PATJ: variants seen among roughly 807,000 people sequenced by gnomAD.
PATJ encodes the protein inaD-like protein.
A neutral mutation model predicts 224.9 loss-of-function variants in PATJ; 190 were observed. That is an observed-to-expected ratio of 0.84 (90% confidence interval 0.75 to 0.95). The LOEUF (loss-of-function observed/expected upper bound fraction) is 0.95, where lower values mean the gene tolerates loss of function less well. Ranked by LOEUF, PATJ falls within the 40% of genes least tolerant of loss-of-function variation. The pLI is 0.00. For synonymous variants in PATJ, 769 were observed against 820.3 expected, an observed-to-expected ratio of 0.94 and a Z score of 1.07; for missense variants, 2,121 against 2,270.3, an observed-to-expected ratio of 0.93 and a Z score of 1.34.
At chr1:62,073,398 A>C (rs1041332350) in intron 31 of PATJ, 144 of 830,078 alleles carry the variant, frequency 1.7e-4, no homozygotes, top group Non-Finnish European at 2.0e-4. Flanking sequence ...CAAGGCAGGC[A>C]GATTGCTTGA....
intron 15 of PATJ, among the ~76,000 whole-genome samples, chr1:61,823,902 T>C (rs1657738816): frequency 6.6e-6 from 1 of 152,206 alleles, no homozygotes. Context: ...AAAAGTGCTA[T>C]GACTAGTTAT....
At chr1:62,122,175 G>A (rs1193110236) in intron 38 of PATJ, among the ~76,000 whole-genome samples, 1 of 151,688 alleles carries the variant, frequency 6.6e-6, no homozygotes, top group Non-Finnish European at 1.5e-5. Flanking sequence ...GAGCAGCCTG[G>A]CCAACATGGA....
chr1:61,884,454 T>TGG, intron 22 of PATJ, 46 bp downstream of exon 22: 4 of 25,164 alleles, frequency 1.6e-4, no homozygotes, highest in East Asian at 3.4e-3. Context: ...AATAGTGGTT[T>TGG]TTTTTTTTTT....
chr1:62,131,539 T>C (rs1666262191), intron 41 of PATJ, among the ~76,000 whole-genome samples: 1 of 152,000 alleles, frequency 6.6e-6, no homozygotes, highest in Non-Finnish European at 1.5e-5. Flanking sequence ...TCCCAGCTAC[T>C]CAGGAGGCTA....
chr1:61,919,679 TTTTG>T (rs529874145), intron 26 of PATJ, among the ~76,000 whole-genome samples: 404 of 152,276 alleles, frequency 2.7e-3, no homozygotes, highest in Admixed American at 4.2e-3. Flanking sequence ...ACTAAGGGTT[TTTTG>T]TTTGTTTGTT....
chr1:61,949,850 C>A (rs913817396), intron 27 of PATJ, among the ~76,000 whole-genome samples: 2 of 151,770 alleles, frequency 1.3e-5, no homozygotes, highest in Admixed American at 6.6e-5. Flanking sequence ...TGCAGTGAGC[C>A]AAGATCACAC....
In PATJ at chr1:62,158,720, C is replaced by CAAAAA. The variant is rs778301408; in HGVS notation, c.5503-2182_5503-2178dup. Reference sequence around the variant, plus strand: ...TGGGCGACAGAGCGAGACTCTGTCTCAAAAAAAAAACAAAAAAAAAGAGTT... The same window carrying CAAAAA: ...TGGGCGACAGAGCGAGACTCTGTCTCAAAAAAAAAAAAAAACAAAAAAAAAGAGTT... On this transcript the variant is annotated intron_variant, in intron 43 of 43. Coordinates refer to ENST00000642238, the MANE Select transcript of PATJ (RefSeq NM_001350145.3). 1.6e-3 allele frequency among the ~76,000 whole-genome samples: 125 copies of CAAAAA among 77,018 alleles called. 6 individuals are homozygous for CAAAAA. The highest frequency in any genetic ancestry group is 6.1e-3 in the African/African-American group (113 of 18,556). The allele number at this position is 77,018 out of a possible 152,430, so 50.5% of individuals were successfully genotyped here.
In PATJ at chr1:62,038,002, G is replaced by A. The variant is rs1650761514; in HGVS notation, c.3985G>A (p.Ala1329Thr). The A allele has an allele frequency of 6.2e-7, 1 of 1,604,602 alleles. No homozygotes were observed. The highest frequency in any genetic ancestry group is 1.7e-5 in the Admixed American group (1 of 59,340). The part of the protein sequence containing the change: ...IRNEDAVNQM[A>T]VTPFPVPSSS... The stretch of plus-strand genomic sequence containing the variant: ...AAACGAGGATGCAGTCAATCAGATG[G>A]CCGTTACTCCCTTTCCAGTGCCATC... The change falls in exon 30 of 44, where the codon GCC becomes ACC. Residue 1329 changes from alanine to threonine, a missense_variant. Coordinates refer to ENST00000642238, the MANE Select transcript of PATJ (RefSeq NM_001350145.3).
intron 28 of PATJ, chr1:62,013,398 A>C (rs1298812157): frequency 1.0e-6 from 1 of 985,204 alleles, no homozygotes; most frequent in African/African-American, 1.7e-5. Flanking sequence ...TTGATTAAGC[A>C]CCACTTCCAT....
At chr1:61,862,175 T>TAC (rs761494933) in intron 19 of PATJ, among the ~76,000 whole-genome samples, 5 of 143,270 alleles carry the variant, frequency 3.5e-5, no homozygotes, top group Non-Finnish European at 7.8e-5. Flanking sequence ...ATTGTATATA[T>TAC]ACATATATAT....
chr1:62,128,038 G>A lies in PATJ; in HGVS notation c.5110G>A (p.Val1704Ile), dbSNP rs371184715. ...AGGAAGTCCCTTAGGAGATATCCCC[G>A]TATTTATTGCCATGATTCAGGCTAG... ...GRGSPLGDIP[V>I]FIAMIQASGV... is the part of the protein sequence containing the mutation. The change falls in exon 40 of 44, where the codon GTA becomes ATA. Residue 1704 changes from valine to isoleucine, a missense_variant. Transcript: ENST00000642238. 162 of 1,613,952 alleles carry A rather than the reference G, an allele frequency of 1.0e-4. No individual in the cohort carries two copies. In the African/African-American group the frequency reaches 1.6e-3, roughly 16 times the overall value.
chr1:61,744,735 C>T (rs1644938539), intron 1 of PATJ, among the ~76,000 whole-genome samples: 2 of 152,120 alleles, frequency 1.3e-5, no homozygotes, highest in African/African-American at 2.4e-5. Flanking sequence ...TCTAACAGTT[C>T]GATTCTGAAA....
chr1:61,901,059 ATTG>A (rs1332583127), intron 23 of PATJ, among the ~76,000 whole-genome samples: 5 of 152,344 alleles, frequency 3.3e-5, no homozygotes, highest in South Asian at 2.1e-4. Context: ...AGTTATATTT[ATTG>A]TTCTAGAAAT....
At chr1:62,117,279 C>A in intron 37 of PATJ, 61 bp downstream of exon 37, 5 of 1,607,664 alleles carry the variant, frequency 3.1e-6, no homozygotes, top group Non-Finnish European at 4.2e-6. Flanking sequence ...AGAAAGTTCC[C>A]CATTTAATAA....
intron 41 of PATJ, among the ~76,000 whole-genome samples, chr1:62,141,810 A>C (rs955664352): frequency 1.3e-5 from 2 of 152,072 alleles, no homozygotes; most frequent in African/African-American, 4.8e-5. Flanking sequence ...CTCTACTAAA[A>C]ATACAAAAAA....
rs1397549346 is a variant in PATJ at position 61,812,433 on chromosome 1, A to AGAGAGAGAGTGTGTGTGTGTGTGTGTGT, written c.1683+3904_1683+3905insAGAGAGAGTGTGTGTGTGTGTGTGTGTG. Among the ~76,000 whole-genome samples, 832 of 84,616 alleles carry AGAGAGAGAGTGTGTGTGTGTGTGTGTGT rather than the reference A, an allele frequency of 9.8e-3. 2 individuals are homozygous for AGAGAGAGAGTGTGTGTGTGTGTGTGTGT. The highest frequency in any genetic ancestry group is 0.016 in the Non-Finnish European group (652 of 41,690). 55.5% of individuals were successfully genotyped at this position (84,616 alleles called of 152,430 possible). ...GAGAGAGAGAGAGAGAGAGAGAGAGAGTGTGTGTGTGTGTGTGTGTGTGTG... is the reference window on the plus strand; with the variant it reads ...GAGAGAGAGAGAGAGAGAGAGAGAGAGAGAGAGAGTGTGTGTGTGTGTGTGTGTGTGTGTGTGTGTGTGTGTGTGTGTG... On this transcript the variant is annotated intron_variant, in intron 14 of 43. Transcript: ENST00000642238.
rs377489788 is a variant in PATJ, at chr1:62,144,777, A to AAATATATATAT, written c.5272-3506_5272-3505insATATATATATA. Among the ~76,000 whole-genome samples, 17 of 119,098 alleles carry AAATATATATAT rather than the reference A, an allele frequency of 1.4e-4. 1 individual carries two copies. The highest frequency in any genetic ancestry group is 8.0e-4 in the South Asian group (3 of 3,752). 78.1% of individuals were successfully genotyped at this position (119,098 alleles called of 152,430 possible). A position where few individuals can be genotyped will look rare whatever the true frequency, so the allele number is the denominator to read the frequency against. On this transcript the variant is annotated intron_variant, in intron 41 of 43. Transcript: ENST00000642238. ...TAGAATGTTATTTGCAAAAAAAAAA[A>AAATATATATAT]ATATATATATATATATATAATTAGC...
intron 14 of PATJ, among the ~76,000 whole-genome samples, chr1:61,810,336 G>T (rs990299822): frequency 2.6e-5 from 4 of 152,086 alleles, no homozygotes; most frequent in African/African-American, 9.7e-5. Flanking sequence ...AGTCAGATTA[G>T]AGTAGTGACT....
chr1:62,119,401 G>A (rs915663670), intron 37 of PATJ, among the ~76,000 whole-genome samples: 12 of 152,190 alleles, frequency 7.9e-5, no homozygotes, highest in African/African-American at 2.7e-4. Context: ...CTTCTGAGCA[G>A]TTACAAAATA....
Sources: gnomAD v4.1 joint callset for allele counts (sites outside exome capture counted in the v4.1 genomes callset) on GRCh38, gnomAD v4.1.1 for gene constraint, MANE v1.5 for transcripts, NCBI Gene and HGNC (gene_info 2026-07-23, HGNC 2026-07-21) for gene names.